The following SLC20A2 variants were observed in gnomAD, a reference collection of about 807,000 sequenced individuals.
The protein encoded by SLC20A2 is solute carrier family 20 member 2, also known as sodium-dependent phosphate transporter 2.
Under a neutral mutation model 61.0 loss-of-function variants are expected in SLC20A2, and 30 were observed. The observed-to-expected ratio is 0.49, with a 90% confidence interval of 0.37 to 0.67. The LOEUF (loss-of-function observed/expected upper bound fraction) is 0.67. Ranked by LOEUF, SLC20A2 falls within the 30% of genes least tolerant of loss-of-function variation. The pLI is 0.00. For synonymous variants in SLC20A2, 351 were observed against 353.3 expected, an observed-to-expected ratio of 0.99 and a Z score of 0.07; for missense variants, 626 against 866.4, an observed-to-expected ratio of 0.72 and a Z score of 3.48.
chr8:42,444,471 T>C (rs1203640808), intron 6 of SLC20A2, among the ~76,000 whole-genome samples, 175 bp downstream of exon 6: 2 of 152,118 alleles, frequency 1.3e-5, no homozygotes, highest in Admixed American at 1.3e-4. Flanking sequence ...TTACAACTTA[T>C]CAAGAAAACG....
At chr8:42,523,199 A>G (rs1277311720) in intron 1 of SLC20A2, among the ~76,000 whole-genome samples, 2 of 152,130 alleles carry the variant, frequency 1.3e-5, no homozygotes, top group Admixed American at 1.3e-4. Context: ...GCATGGTGGC[A>G]CATGCCTGTA....
chr8:42,479,597 G>C (rs556631122), intron 1 of SLC20A2, among the ~76,000 whole-genome samples: 34 of 152,268 alleles, frequency 2.2e-4, no homozygotes, highest in South Asian at 8.3e-4. Context: ...GGCCTGAGGT[G>C]GGACCATCAC....
At chr8:42,503,981 C>A (rs1267469266), upstream of SLC20A2, among the ~76,000 whole-genome samples, 1 of 152,114 alleles carries the variant, frequency 6.6e-6, no homozygotes, top group African/African-American at 2.4e-5. Flanking sequence ...ATTCTGTCAC[C>A]CAGGCTGAAG....
intron 8 of SLC20A2, among the ~76,000 whole-genome samples, chr8:42,435,465 G>A (rs551235253): frequency 3.9e-5 from 6 of 152,262 alleles, no homozygotes; most frequent in East Asian, 3.9e-4. Context: ...GTTAGGACTC[G>A]TTTTCCCCCA....
chr8:42,451,597 G>A (rs1805659237), intron 5 of SLC20A2, among the ~76,000 whole-genome samples: 1 of 136,732 alleles, frequency 7.3e-6, no homozygotes, highest in Non-Finnish European at 1.6e-5. Flanking sequence ...AAGAGATGGA[G>A]GAGGAGGAGG....
chr8:42,444,623 C>A (rs369288796), intron 6 of SLC20A2, 23 bp downstream of exon 6: 3 of 1,560,966 alleles, frequency 1.9e-6, no homozygotes, highest in Non-Finnish European at 2.6e-6. Flanking sequence ...TTCTGTAAAT[C>A]AGAAGAATTA....
chr8:42,449,528 T>A (rs886458800), intron 5 of SLC20A2, among the ~76,000 whole-genome samples: 1 of 152,236 alleles, frequency 6.6e-6, no homozygotes, highest in Non-Finnish European at 1.5e-5. Flanking sequence ...CTAACACTCA[T>A]GACTAAGGAT....
intron 1 of SLC20A2, among the ~76,000 whole-genome samples, chr8:42,476,775 G>C (rs760239649): frequency 6.6e-6 from 1 of 152,120 alleles, no homozygotes; most frequent in Admixed American, 6.5e-5. Context: ...GAGGAAAAAG[G>C]CTTGCCACCT....
intron 5 of SLC20A2, among the ~76,000 whole-genome samples, chr8:42,456,593 G>T (rs772358043): frequency 6.6e-6 from 1 of 151,926 alleles, no homozygotes; most frequent in Admixed American, 6.6e-5. Context: ...TTAGCCAGGC[G>T]TGGTGGCAGG....
chr8:42,533,667 T>TTTTTTTTTTTTTTTTC (rs1563555754), intron 1 of SLC20A2, among the ~76,000 whole-genome samples: 3 of 125,090 alleles, frequency 2.4e-5, no homozygotes, highest in South Asian at 2.7e-4. Flanking sequence ...TTTTTTTTTT[T>TTTTTTTTTTTTTTTTC]TTTTTTTTTG....
intron 2 of SLC20A2, among the ~76,000 whole-genome samples, chr8:42,468,295 G>C (rs1020050857): frequency 1.3e-5 from 2 of 152,196 alleles, no homozygotes; most frequent in Non-Finnish European, 2.9e-5. Flanking sequence ...CTTCCTGAAA[G>C]CTGCTATATT....
upstream of SLC20A2, among the ~76,000 whole-genome samples, chr8:42,504,947 T>A (rs375768252): frequency 7.0e-6 from 1 of 142,984 alleles, no homozygotes; most frequent in East Asian, 2.2e-4. Context: ...AGACAAGGTC[T>A]CTATGTCCAG....
intron 2 of SLC20A2, among the ~76,000 whole-genome samples, chr8:42,471,815 A>G (rs762349408): frequency 6.6e-6 from 1 of 152,228 alleles, no homozygotes; most frequent in Non-Finnish European, 1.5e-5. Flanking sequence ...GCGCTGTTCT[A>G]CAAAGGTCTT....
intron 1 of SLC20A2, among the ~76,000 whole-genome samples, chr8:42,518,456 G>A (rs1472106092): frequency 2.6e-5 from 4 of 151,990 alleles, no homozygotes; most frequent in Non-Finnish European, 5.9e-5. Flanking sequence ...AGGAAAATCC[G>A]GCTTCAGAAT....
At chr8:42,443,018 G>A (rs562725710) in intron 6 of SLC20A2, among the ~76,000 whole-genome samples, 28 of 151,990 alleles carry the variant, frequency 1.8e-4, no homozygotes, top group Admixed American at 1.0e-3. Flanking sequence ...AGCCTTGGCT[G>A]ACTTCCTAAG....
At chr8:42,526,629 C>T (rs1444984700) in intron 1 of SLC20A2, among the ~76,000 whole-genome samples, 4 of 149,668 alleles carry the variant, frequency 2.7e-5, no homozygotes, top group African/African-American at 7.4e-5. Context: ...GCCGAGATCG[C>T]GCCACTGCAC....
chr8:42,493,464 T>C (rs1444650101), intron 1 of SLC20A2, among the ~76,000 whole-genome samples: 1 of 152,236 alleles, frequency 6.6e-6, no homozygotes, highest in Non-Finnish European at 1.5e-5. Flanking sequence ...AAATATTACC[T>C]GAGACCTACT....
intron 1 of SLC20A2, among the ~76,000 whole-genome samples, chr8:42,524,655 G>C (rs964004183): frequency 2.0e-5 from 3 of 152,006 alleles, no homozygotes; most frequent in South Asian, 4.2e-4. Flanking sequence ...TTGTGGTGGC[G>C]AGCGCCTGTA....
chr8:42,519,802 C>T (rs2131397257), intron 1 of SLC20A2, among the ~76,000 whole-genome samples: 1 of 152,192 alleles, frequency 6.6e-6, no homozygotes, highest in African/African-American at 2.4e-5. Context: ...TTAGAAGCCC[C>T]TCACATGTCA....
Sources: gnomAD v4.1 joint callset for allele counts (sites outside exome capture counted in the v4.1 genomes callset) on GRCh38, gnomAD v4.1.1 for gene constraint, MANE v1.5 for transcripts, NCBI Gene and HGNC (gene_info 2026-07-23, HGNC 2026-07-21) for gene names.